Variants in THSD7B observed in about 807,000 individuals in gnomAD.
The protein encoded by THSD7B is thrombospondin type 1 domain containing 7B.
In THSD7B, 138 loss-of-function variants were observed where a neutral mutation model predicts 213.6. That is an observed-to-expected ratio of 0.65 (90% confidence interval 0.56 to 0.74). The LOEUF (loss-of-function observed/expected upper bound fraction) is 0.74. THSD7B is among the 30% of genes least tolerant of loss of function. The probability of loss-of-function intolerance (pLI) is 0.00; values close to 1 mark genes in which losing one functional copy is unlikely to be tolerated. For synonymous variants in THSD7B, 742 were observed against 687.0 expected, an observed-to-expected ratio of 1.08 and a Z score of -1.25; for missense variants, 1,931 against 1,991.5, an observed-to-expected ratio of 0.97 and a Z score of 0.58.
At position 137,499,880 on chromosome 2, in the gene THSD7B, A is replaced by G. The variant is rs1412715870; in HGVS notation, c.3138+48857A>G. Among the ~76,000 whole-genome samples, 3 of 152,232 alleles carry G rather than the reference A, an allele frequency of 2.0e-5. No individual in the cohort carries two copies. The East Asian group carries it at 5.8e-4, about 29-fold the overall frequency. ...GAAACACATCTCATGAGGGCAGGCAATACAGTCTAATCTGGAATCAATGAG... is the reference window on the plus strand; with the variant it reads ...GAAACACATCTCATGAGGGCAGGCAGTACAGTCTAATCTGGAATCAATGAG... On this transcript the variant is annotated intron_variant, in intron 15 of 27. Coordinates refer to ENST00000409968, the MANE Select transcript of THSD7B (RefSeq NM_001316349.2).
At chr2:137,458,571 C>T (rs941041328) in intron 15 of THSD7B, among the ~76,000 whole-genome samples, 4 of 152,124 alleles carry the variant, frequency 2.6e-5, no homozygotes, top group East Asian at 1.9e-4. Context: ...ACCCATCAAG[C>T]GGAAAGCTTG....
At chr2:137,333,517 G>C (rs989528640) in intron 12 of THSD7B, among the ~76,000 whole-genome samples, 29 of 152,082 alleles carry the variant, frequency 1.9e-4, no homozygotes, top group African/African-American at 6.8e-4. Context: ...TCAGTTTCTA[G>C]AACACTCATT....
intron 2 of THSD7B, among the ~76,000 whole-genome samples, chr2:136,885,108 T>C (rs1683694673): frequency 6.6e-6 from 1 of 152,166 alleles, no homozygotes; most frequent in Non-Finnish European, 1.5e-5. Context: ...AGAACTCAGG[T>C]CCAGTGTAAT....
intron 4 of THSD7B, among the ~76,000 whole-genome samples, chr2:137,114,029 T>G (rs1407063397): frequency 2.6e-5 from 4 of 152,210 alleles, no homozygotes; most frequent in Non-Finnish European, 5.9e-5. Context: ...TGAGGTTTCT[T>G]GGAGATTTGC....
chr2:137,225,580 A>G (rs1484790930), intron 7 of THSD7B, among the ~76,000 whole-genome samples: 1 of 152,154 alleles, frequency 6.6e-6, no homozygotes, highest in African/African-American at 2.4e-5. Context: ...AAGTTTTTTA[A>G]CTTCTTCATG....
At chr2:137,586,693 G>T (rs1335922931) in intron 17 of THSD7B, among the ~76,000 whole-genome samples, 1 of 152,188 alleles carries the variant, frequency 6.6e-6, no homozygotes, top group African/African-American at 2.4e-5. Flanking sequence ...TAGAGTTTCT[G>T]CAGAGAGATC....
At chr2:137,247,571 G>GTCAGTC (rs1682067627) in intron 10 of THSD7B, among the ~76,000 whole-genome samples, 1 of 152,162 alleles carries the variant, frequency 6.6e-6, no homozygotes, top group South Asian at 2.1e-4. Flanking sequence ...TTAATTATTT[G>GTCAGTC]TCAGTCTCAA....
chr2:137,040,890 C>T (rs1165510970), intron 2 of THSD7B, among the ~76,000 whole-genome samples: 3 of 152,110 alleles, frequency 2.0e-5, no homozygotes, highest in African/African-American at 7.2e-5. Context: ...GTGGTATAAG[C>T]TTTGATAATG....
At chr2:137,174,740 A>G (rs1680327370) in intron 7 of THSD7B, among the ~76,000 whole-genome samples, 1 of 152,198 alleles carries the variant, frequency 6.6e-6, no homozygotes. Flanking sequence ...CTGATTTCCG[A>G]GTCTCTGATT....
chr2:136,956,998 C>T (rs1685138055), intron 2 of THSD7B, among the ~76,000 whole-genome samples: 1 of 152,176 alleles, frequency 6.6e-6, no homozygotes, highest in Non-Finnish European at 1.5e-5. Context: ...TTTTATTAGG[C>T]TTCTTTAGTG....
intron 12 of THSD7B, among the ~76,000 whole-genome samples, chr2:137,388,162 A>C (rs1363019617): frequency 6.6e-6 from 1 of 152,034 alleles, no homozygotes; most frequent in Non-Finnish European, 1.5e-5. Context: ...CATTTCTTAC[A>C]TTTCATTTTC....
At chr2:137,650,184 T>C (rs984299019) in intron 21 of THSD7B, among the ~76,000 whole-genome samples, 4 of 152,254 alleles carry the variant, frequency 2.6e-5, no homozygotes, top group African/African-American at 9.6e-5. Context: ...AGTATCATCA[T>C]TTTAATACTA....
At chr2:137,339,801 T>C (rs1220019404) in intron 12 of THSD7B, among the ~76,000 whole-genome samples, 1 of 151,602 alleles carries the variant, frequency 6.6e-6, no homozygotes, top group Non-Finnish European at 1.5e-5. Context: ...ACCTCTTTCC[T>C]CAGCTTTTTC....
chr2:137,146,591 G>T (rs562375232), intron 5 of THSD7B, among the ~76,000 whole-genome samples: 4 of 152,038 alleles, frequency 2.6e-5, no homozygotes, highest in Non-Finnish European at 5.9e-5. Context: ...TACATCAATT[G>T]TTCAATATGT....
chr2:137,356,774 C>A (rs944307543), intron 12 of THSD7B, among the ~76,000 whole-genome samples: 2 of 152,134 alleles, frequency 1.3e-5, no homozygotes, highest in Non-Finnish European at 2.9e-5. Context: ...ACTGAATACA[C>A]CTTTTAGGTA....
intron 15 of THSD7B, among the ~76,000 whole-genome samples, chr2:137,515,174 G>A (rs1400139528): frequency 6.6e-6 from 1 of 152,150 alleles, no homozygotes; most frequent in African/African-American, 2.4e-5. Context: ...ACTTGGAATG[G>A]GGATGTGTGG....
At chr2:137,432,186 A>G (rs930243172) in intron 14 of THSD7B, among the ~76,000 whole-genome samples, 1 of 152,108 alleles carries the variant, frequency 6.6e-6, no homozygotes, top group African/African-American at 2.4e-5. Flanking sequence ...AGGTCAGGAG[A>G]TTGAGACCAT....
At chr2:136,889,390 T>C (rs767204032) in intron 2 of THSD7B, among the ~76,000 whole-genome samples, 1 of 152,220 alleles carries the variant, frequency 6.6e-6, no homozygotes, top group Admixed American at 6.5e-5. Context: ...AGATATTAGA[T>C]AGTTCCTATT....
chr2:137,394,278 G>A (rs1248312644), intron 12 of THSD7B, among the ~76,000 whole-genome samples: 1 of 114,462 alleles, frequency 8.7e-6, no homozygotes, highest in Admixed American at 8.9e-5. Context: ...TTTCTTCTAG[G>A]GTTTTTATGG....
Sources: allele counts gnomAD v4.1 joint callset (sites outside exome capture counted in the v4.1 genomes callset), GRCh38; gene constraint gnomAD v4.1.1; transcripts MANE v1.5; gene names NCBI Gene and HGNC (gene_info 2026-07-23, HGNC 2026-07-21).